PAX2: variants seen among roughly 807,000 people sequenced by gnomAD.
PAX2 encodes the protein paired box protein Pax-2.
Under a neutral mutation model 41.7 loss-of-function variants are expected in PAX2, and 9 were observed. The observed-to-expected ratio is 0.22, with a 90% CI of 0.13 to 0.38. PAX2 has a LOEUF of 0.38. Ranked by LOEUF, PAX2 falls within the 10% of genes least tolerant of loss-of-function variation. The pLI, the probability that PAX2 is intolerant of heterozygous loss-of-function variation, is 1.00. For missense variants in PAX2, 418 were observed against 531.6 expected, an observed-to-expected ratio of 0.79 and a Z score of 2.10; for synonymous variants, 221 against 212.7, an observed-to-expected ratio of 1.04 and a Z score of -0.34.
At chr10:100,819,966 C>T (rs1176518770) in intron 7 of PAX2, among the ~76,000 whole-genome samples, 1 of 152,344 alleles carries the variant, frequency 6.6e-6, no homozygotes, top group Non-Finnish European at 1.5e-5. Flanking sequence ...TTAGAATCTT[C>T]AGGGACTTCT....
In PAX2 at chr10:100,822,666, G is replaced by A. The variant is rs1848411235; in HGVS notation, c.920-1982G>A. The stretch of plus-strand genomic sequence containing the variant: ...AGATGCTGTAGAAGTTTGGAAGAGA[G>A]AAACTTCCCTGATGGGTAGAATGGT... On this transcript the variant is annotated intron_variant, in intron 7 of 9. Coordinates refer to ENST00000355243, the MANE Select transcript of PAX2 (RefSeq NM_000278.5). Among the ~76,000 whole-genome samples the A allele has an allele frequency of 2.0e-5, 3 of 152,212 alleles. 1 individual carries two copies. In the South Asian group the frequency reaches 6.2e-4, roughly 31 times the overall value.
chr10:100,744,766 T>C (rs1589803884), upstream of PAX2, among the ~76,000 whole-genome samples: 1 of 152,164 alleles, frequency 6.6e-6, no homozygotes, highest in Non-Finnish European at 1.5e-5. Context: ...CGCCATCCGC[T>C]GGGTCCCACC....
intron 7 of PAX2, among the ~76,000 whole-genome samples, chr10:100,818,741 G>A (rs902498326): frequency 1.3e-5 from 2 of 152,214 alleles, no homozygotes; most frequent in African/African-American, 4.8e-5. Flanking sequence ...AAGATGTTCT[G>A]TTATAGGAAG....
upstream of PAX2, among the ~76,000 whole-genome samples, chr10:100,744,727 G>C (rs752065675): frequency 6.6e-6 from 1 of 152,306 alleles, no homozygotes; most frequent in East Asian, 1.9e-4. Flanking sequence ...GTCACCCGAG[G>C]GTTCAGAAAC....
chr10:100,814,213 G>C (rs540506506), intron 7 of PAX2, among the ~76,000 whole-genome samples: 3 of 152,012 alleles, frequency 2.0e-5, no homozygotes, highest in Middle Eastern at 3.4e-3. Context: ...TTAGCCGGGC[G>C]TGGTGGCAGG....
intron 1 of PAX2, among the ~76,000 whole-genome samples, chr10:100,739,047 A>ACACACACG (rs1844863703): frequency 6.6e-6 from 1 of 150,408 alleles, no homozygotes; most frequent in Admixed American, 6.6e-5. Context: ...ACACACACAC[A>ACACACACG]CACGGCCCCC....
In PAX2 at chr10:100,791,269, G is replaced by T. The variant is rs1316909936; in HGVS notation, c.616+9904G>T. ...AGGACTGGGGCTGGGGCTTTATCCT[G>T]CAGGCAGAGCTTTTACACCTTGCCC... On this transcript the variant is annotated intron_variant, in intron 5 of 9. Coordinates refer to ENST00000355243, the MANE Select transcript of PAX2 (RefSeq NM_000278.5). The surrounding 1 kb of genome is among the most constrained non-coding windows in gnomAD (Gnocchi z 4.5). 6.6e-6 allele frequency among the ~76,000 whole-genome samples: 1 copy of T among 152,238 alleles called. No individual in the cohort carries two copies. The highest frequency in any genetic ancestry group is 1.5e-5 in the Non-Finnish European group (1 of 68,038).
chr10:100,769,084 A>T (rs1296954013), intron 3 of PAX2, among the ~76,000 whole-genome samples: 1 of 152,192 alleles, frequency 6.6e-6, no homozygotes, highest in Non-Finnish European at 1.5e-5. Flanking sequence ...ATTCTACTCA[A>T]TGGTTAGCCG....
In PAX2 at chr10:100,824,588, G is replaced by A; in HGVS notation, c.920-60G>A. On this transcript the variant is annotated intron_variant, in intron 7 of 9. Transcript: ENST00000355243. The surrounding 1 kb of genome is among the most constrained non-coding windows in gnomAD (Gnocchi z 6.6). ...TTTCCTCTCCGTGCAGTACCCTGGT[G>A]TGAGTAGAGGCAGGCCCCTTTCTTC... The A allele has an allele frequency of 1.8e-6, 2 of 1,131,158 alleles. No individual in the cohort carries two copies. Among genetic ancestry groups the A allele is most frequent in the South Asian group, 2.4e-5 (2 of 81,660 alleles). 70.1% of individuals were successfully genotyped at this position (1,131,158 alleles called of 1,614,324 possible). A position where few individuals can be genotyped will look rare whatever the true frequency, so the allele number is the denominator to read the frequency against.
chr10:100,765,526 A>G (rs555848943), intron 3 of PAX2, among the ~76,000 whole-genome samples: 1 of 152,332 alleles, frequency 6.6e-6, no homozygotes, highest in African/African-American at 2.4e-5. Flanking sequence ...TGATTTTCAA[A>G]TTAGAAAGTA....
In PAX2 at chr10:100,781,366, G is replaced by T; in HGVS notation, c.616+1G>T. On this transcript the variant is annotated splice_donor_variant, in intron 5 of 9. Transcript: ENST00000355243. LOFTEE classifies it high-confidence loss of function. ...GGTGAGAAGAGGAAACGTGATGAAGGTAGGGAGGAGGGAAGAGGTGTGGCT... is the reference window on the plus strand; with the variant it reads ...GGTGAGAAGAGGAAACGTGATGAAGTTAGGGAGGAGGGAAGAGGTGTGGCT... 6.2e-7 allele frequency: 1 copy of T among 1,614,158 alleles called. No individual in the cohort carries two copies. The highest frequency in any genetic ancestry group is 8.5e-7 in the Non-Finnish European group (1 of 1,179,986).
chr10:100,783,906 G>T (rs939534004), intron 5 of PAX2, among the ~76,000 whole-genome samples: 1 of 152,074 alleles, frequency 6.6e-6, no homozygotes, highest in African/African-American at 2.4e-5. Flanking sequence ...TTGAGAGACG[G>T]TTCTCCTCCT....
upstream of PAX2, among the ~76,000 whole-genome samples, chr10:100,742,616 G>C (rs1845001442): frequency 6.6e-6 from 1 of 152,152 alleles, no homozygotes; most frequent in Non-Finnish European, 1.5e-5. Flanking sequence ...CTCCCCAAAA[G>C]TTTATTTGCC....
At chr10:100,771,185 A>G (rs1384764529) in intron 3 of PAX2, among the ~76,000 whole-genome samples, 1 of 152,214 alleles carries the variant, frequency 6.6e-6, no homozygotes, top group Non-Finnish European at 1.5e-5. Context: ...AGAGTCAACA[A>G]GAGTTGACAC....
intron 5 of PAX2, among the ~76,000 whole-genome samples, chr10:100,796,418 A>G (rs7072737): frequency 0.91 from 138,472 of 152,224 alleles, 63,029 homozygotes; most frequent in East Asian, 1. Context: ...ATAATCTTCC[A>G]CTGTTCGATG....
chr10:100,749,671 C>T (rs1231535264), intron 1 of PAX2, 75 bp from the exon 2 acceptor site: 11 of 1,554,092 alleles, frequency 7.1e-6, no homozygotes, highest in South Asian at 2.5e-5. Context: ...TCGCCCGTCC[C>T]GGGCCGCGGA....
In PAX2 at chr10:100,737,544, G is replaced by C. The variant is rs1189632778; in HGVS notation, c.25+1811G>C. Among the ~76,000 whole-genome samples the C allele has an allele frequency of 2.0e-5, 3 of 152,264 alleles. No homozygotes were observed. In the East Asian group the frequency reaches 5.8e-4, roughly 29 times the overall value. ...GCAGCAGCAGCTCCGGGAAAGGCGG[G>C]GGGGAGCTGCGGAGCTGGGCAGGAG... On this transcript the variant is annotated intron_variant, in intron 1 of 9. Coordinates refer to the PAX2 transcript ENST00000679374.
At chr10:100,763,993 G>C (rs1208689400) in intron 3 of PAX2, among the ~76,000 whole-genome samples, 1 of 152,136 alleles carries the variant, frequency 6.6e-6, no homozygotes, top group African/African-American at 2.4e-5. Flanking sequence ...ACATAAACCA[G>C]CTTAGAATTG....
intron 3 of PAX2, among the ~76,000 whole-genome samples, chr10:100,776,138 C>T (rs553708847): frequency 1.6e-4 from 24 of 152,296 alleles, no homozygotes; most frequent in African/African-American, 5.5e-4. Context: ...CCAAGAAGGC[C>T]TTCCCTCCAC....
Sources: gnomAD v4.1 joint callset for allele counts (sites outside exome capture counted in the v4.1 genomes callset) on GRCh38, gnomAD v4.1.1 for gene constraint, Gnocchi (gnomAD v3.1) non-coding constraint, MANE v1.5 for transcripts, NCBI Gene and HGNC (gene_info 2026-07-23, HGNC 2026-07-21) for gene names.